IZUMO1R: variants seen among roughly 807,000 people sequenced by gnomAD.
IZUMO1R encodes the protein IZUMO1 receptor, JUNO.
A neutral mutation model predicts 22.1 loss-of-function variants in IZUMO1R; 24 were observed. That is an observed-to-expected ratio of 1.09 (90% confidence interval 0.79 to 1.53). The LOEUF (loss-of-function observed/expected upper bound fraction) is 1.53. IZUMO1R is among the 40% of genes most tolerant of loss of function. IZUMO1R has a pLI of 0.00. For synonymous variants in IZUMO1R, 133 were observed against 121.2 expected (o/e 1.10, Z -0.64); for missense variants, 308 against 314.9 (o/e 0.98, Z 0.17).
intron 2 of IZUMO1R, 144 bp downstream of exon 2, chr11:94,305,918 A>G (rs918816218): frequency 1.1e-6 from 1 of 915,038 alleles, no homozygotes; most frequent in Non-Finnish European, 1.6e-6. Context: ...GAAAGAGACT[A>G]TGCCTTTTTG....
chr11:94,304,811 A>G lies in IZUMO1R; in HGVS notation c.-75A>G, dbSNP rs1253799880. 6.6e-6 allele frequency among the ~76,000 whole-genome samples: 1 copy of G among 152,090 alleles called. No individual in the cohort carries two copies. Among genetic ancestry groups the G allele is most frequent in the African/African-American group, 2.4e-5 (1 of 41,396 alleles). Reference sequence around the variant, plus strand: ...TGGGTAATAAATGGGCGGGACATGGAACTCCCCTCAGCCTCATAGTCTCAG... The same window carrying G: ...TGGGTAATAAATGGGCGGGACATGGGACTCCCCTCAGCCTCATAGTCTCAG... On this transcript the variant is annotated 5_prime_UTR_variant, in exon 1 of 5. Transcript: ENST00000687084.
In IZUMO1R at chr11:94,307,886, C is replaced by A. The variant is rs1337284829; in HGVS notation, c.*194C>A. On this transcript the variant is annotated 3_prime_UTR_variant, in exon 5 of 5. Transcript: ENST00000687084. ...GAAGGAAGTGCCCCTGAGGCTTCAG[C>A]GGCTGGTGCCTGCAACCTGCACATT... 6.6e-6 allele frequency among the ~76,000 whole-genome samples: 1 copy of A among 151,402 alleles called. No individual in the cohort carries two copies. The highest frequency in any genetic ancestry group is 1.5e-5 in the Non-Finnish European group (1 of 67,796).
Position 94,307,211 on chromosome 11 carries a change from G to T in IZUMO1R, c.395G>T (p.Cys132Phe). The change falls in exon 4 of 5, where the codon TGC becomes TTC. Residue 132 changes from cysteine to phenylalanine, a missense_variant. By Grantham distance (205) the Cys-to-Phe change is radical. Coordinates refer to ENST00000687084, the MANE Select transcript of IZUMO1R (RefSeq NM_001199206.4). ...QGERVVNVPL[C>F]QEDCEEWWED... is the part of the protein sequence containing the mutation. ...GAGCGAGTTGTGAATGTGCCGCTGT[G>T]CCAGGAGGACTGTGAGGAGTGGTGG... 1 of 1,605,470 alleles carries T rather than the reference G, an allele frequency of 6.2e-7. No individual in the cohort carries two copies. Among genetic ancestry groups the T allele is most frequent in the South Asian group, 1.1e-5 (1 of 89,264 alleles).
rs746044456 is a variant in IZUMO1R at position 94,307,433 on chromosome 11, G to A, written c.494G>A (p.Arg165His). The change falls in exon 5 of 5, where the codon CGC (arginine) becomes CAC (histidine). Residue 165 changes from arginine (R) to histidine (H), a missense_variant. Physicochemically the swap from Arg to His is conservative, Grantham distance 29 (BLOSUM62 0). Transcript: ENST00000687084. ...CCTCCATCCCCTGCAGGGAAGAACC[G>A]CTGCCCCAAAGGGGCCCAGTGCCTC... ...GGWDWSQGKN[R>H]CPKGAQCLPF... 58 of 1,613,884 alleles carry A rather than the reference G, an allele frequency of 3.6e-5. 1 individual carries two copies. The South Asian group carries it at 3.6e-4, about 10-fold the overall frequency.
At chr11:94,306,206 T>G (rs1488489258) in intron 2 of IZUMO1R, among the ~76,000 whole-genome samples, 1 of 152,030 alleles carries the variant, frequency 6.6e-6, no homozygotes, top group Non-Finnish European at 1.5e-5. Context: ...TGGGTCTCTC[T>G]GGGGCTCTTC....
rs630418 is a variant in IZUMO1R, at chr11:94,304,801, C to A, written c.-85C>A. 6.6e-6 allele frequency among the ~76,000 whole-genome samples: 1 copy of A among 151,798 alleles called. No individual in the cohort carries two copies. The highest frequency in any genetic ancestry group is 2.4e-5 in the African/African-American group (1 of 41,280). ...GAAATCAGACTGGGTAATAAATGGGCGGGACATGGAACTCCCCTCAGCCTC... is the reference window on the plus strand; with the variant it reads ...GAAATCAGACTGGGTAATAAATGGGAGGGACATGGAACTCCCCTCAGCCTC... On this transcript the variant is annotated 5_prime_UTR_variant, in exon 1 of 5. Coordinates refer to ENST00000687084, the MANE Select transcript of IZUMO1R (RefSeq NM_001199206.4).
Position 94,306,497 on chromosome 11 carries a change from C to T in IZUMO1R, c.139-16C>T. On this transcript the variant is annotated splice_polypyrimidine_tract_variant and intron_variant, in intron 2 of 4. Transcript: ENST00000687084. ...CCCCTTTTGCCTGGGCCTTTTGTTTCTTCCTCTGCCTTCAGTGCATCCCCT... is the reference window on the plus strand; with the variant it reads ...CCCCTTTTGCCTGGGCCTTTTGTTTTTTCCTCTGCCTTCAGTGCATCCCCT... 1 of 1,613,202 alleles carries T rather than the reference C, an allele frequency of 6.2e-7. No individual in the cohort carries two copies. The highest frequency in any genetic ancestry group is 1.1e-5 in the South Asian group (1 of 91,072).
At position 94,307,447 on chromosome 11, in the gene IZUMO1R, G is replaced by A. The variant is rs762087435; in HGVS notation, c.508G>A (p.Ala170Thr). 4.3e-6 allele frequency: 7 copies of A among 1,613,898 alleles called. No homozygotes were observed. The highest frequency in any genetic ancestry group is 5.9e-6 in the Non-Finnish European group (7 of 1,179,880). Residue 170 changes from alanine to threonine, a missense_variant, in exon 5 of 5, where the codon GCC (alanine) becomes ACC (threonine). Transcript: ENST00000687084. ...SQGKNRCPKG[A>T]QCLPFSHYFP... ...AGGGAAGAACCGCTGCCCCAAAGGG[G>A]CCCAGTGCCTCCCTTTCTCCCATTA...
chr11:94,307,164 G>A lies in IZUMO1R; in HGVS notation c.349-1G>A. ...TAATCTCTGGCTATGACTGCACCCAGGTGGCCCCGAGTGGGCAGGGAGAGC... is the reference window on the plus strand; with the variant it reads ...TAATCTCTGGCTATGACTGCACCCAAGTGGCCCCGAGTGGGCAGGGAGAGC... On this transcript the variant is annotated splice_acceptor_variant, in intron 3 of 4. Coordinates refer to ENST00000687084, the MANE Select transcript of IZUMO1R (RefSeq NM_001199206.4). LOFTEE classifies it high-confidence loss of function. 6.3e-7 allele frequency: 1 copy of A among 1,592,314 alleles called. No homozygotes were observed. Among genetic ancestry groups the A allele is most frequent in the Non-Finnish European group, 8.6e-7 (1 of 1,169,152 alleles).
chr11:94,305,588 G>A (rs370433166), intron 1 of IZUMO1R, 43 bp from the exon 2 acceptor site: 12 of 1,604,694 alleles, frequency 7.5e-6, no homozygotes, highest in Admixed American at 6.7e-5. Context: ...GGGTGGAGTG[G>A]GGTGTCATTT....
chr11:94,307,340 C>T (rs769828053), intron 4 of IZUMO1R, 40 bp downstream of exon 4: 2 of 1,612,276 alleles, frequency 1.2e-6, no homozygotes, highest in East Asian at 4.5e-5. Context: ...GAAGAGGCCC[C>T]TTGGTGGTCC....
In IZUMO1R at chr11:94,307,830, C is replaced by T. The variant is rs1459809114; in HGVS notation, c.*138C>T. On this transcript the variant is annotated 3_prime_UTR_variant, in exon 5 of 5. Transcript: ENST00000687084. The stretch of plus-strand genomic sequence containing the variant: ...GGACTGCAGTCCCACCCAGTCTAGC[C>T]CATGCCACTGCTTTTAGGGGAGGGC... 2.3e-5 allele frequency: 5 copies of T among 214,606 alleles called. No homozygotes were observed. The highest frequency in any genetic ancestry group is 1.0e-4 in the African/African-American group (4 of 39,780). The allele number at this position is 214,606 out of a possible 1,614,324, so 13.3% of individuals were successfully genotyped here.
At position 94,307,805 on chromosome 11, in the gene IZUMO1R, GGACTGCAGTCCCACCCAGTC is replaced by G; in HGVS notation, c.*114_*133del. On this transcript the variant is annotated 3_prime_UTR_variant, in exon 5 of 5. Transcript: ENST00000687084. ...CCCTAAAAGCAGTGGCATGGGCTAG[GGACTGCAGTCCCACCCAGTC>G]TAGCCCATGCCACTGCTTTTAGGGG... The G allele has an allele frequency of 3.3e-6, 3 of 904,220 alleles. No homozygotes were observed. The highest frequency in any genetic ancestry group is 4.7e-6 in the Non-Finnish European group (3 of 634,020). 56.0% of individuals were successfully genotyped at this position (904,220 alleles called of 1,614,324 possible).
In IZUMO1R at chr11:94,306,550, C is replaced by A. The variant is rs374445245; in HGVS notation, c.176C>A (p.Thr59Lys). 5 of 1,613,830 alleles carry A rather than the reference C, an allele frequency of 3.1e-6. No individual in the cohort carries two copies. Among genetic ancestry groups the A allele is most frequent in the Non-Finnish European group, 4.2e-6 (5 of 1,179,880 alleles). The change falls in exon 3 of 5, where the codon ACG (threonine) becomes AAG (lysine). Residue 59 changes from threonine to lysine, a missense_variant. Transcript: ENST00000687084. Reference sequence around the variant, plus strand: ...AAGGACAATGCCTGCTGCACCCTCACGACAAGCTGGGAAGCCCATCTGGAT... The same window carrying A: ...AAGGACAATGCCTGCTGCACCCTCAAGACAAGCTGGGAAGCCCATCTGGAT... ...PWKDNACCTL[T>K]TSWEAHLDVS...
In IZUMO1R at chr11:94,305,946, C is replaced by T. The variant is rs59161555; in HGVS notation, c.138+172C>T. ...CCTTTTTGAGACCATAAGAGCCAAG[C>T]GATTCAAAGTTCCCATTTCTGAGCT... On this transcript the variant is annotated intron_variant, in intron 2 of 4. Coordinates refer to ENST00000687084, the MANE Select transcript of IZUMO1R (RefSeq NM_001199206.4). Among the ~76,000 whole-genome samples the T allele has an allele frequency of 9.5e-3, 1,426 of 150,124 alleles. 30 individuals carry two copies. Among genetic ancestry groups the T allele is most frequent in the African/African-American group, 0.033 (1,357 of 40,716 alleles).
rs1441598192 is a variant in IZUMO1R, at chr11:94,307,148, G to A, written c.349-17G>A. On this transcript the variant is annotated splice_polypyrimidine_tract_variant and intron_variant, in intron 3 of 4. Transcript: ENST00000687084. ...TCTGCTATTAATGTTCTAATCTCTG[G>A]CTATGACTGCACCCAGGTGGCCCCG... 1 of 1,582,530 alleles carries A rather than the reference G, an allele frequency of 6.3e-7. No individual in the cohort carries two copies. The highest frequency in any genetic ancestry group is 1.3e-5 in the African/African-American group (1 of 74,478).
Position 94,307,664 on chromosome 11 carries a change from G to T in IZUMO1R, c.725G>T (p.Cys242Phe), listed in dbSNP as rs536684866. The T allele has an allele frequency of 8.1e-6, 13 of 1,613,618 alleles. No individual in the cohort carries two copies. The South Asian group carries it at 1.2e-4, about 15-fold the overall frequency. Residue 242 changes from cysteine to phenylalanine, a missense_variant, in exon 5 of 5, where the codon TGC (cysteine) becomes TTC (phenylalanine). Coordinates refer to ENST00000687084, the MANE Select transcript of IZUMO1R (RefSeq NM_001199206.4). ...GAACTGTCCTACACCATCATGGTCT[G>T]CTCCCTGTTCCTGCCGTTCCTTTCC... ...SWELSYTIMV[C>F]SLFLPFLS
In IZUMO1R at chr11:94,306,541, G is replaced by C. The variant is rs1296603821; in HGVS notation, c.167G>C (p.Cys56Ser). 6.2e-7 allele frequency: 1 copy of C among 1,613,910 alleles called. No individual in the cohort carries two copies. The highest frequency in any genetic ancestry group is 2.2e-5 in the East Asian group (1 of 44,874). Residue 56 changes from cysteine (C) to serine (S), a missense_variant, in exon 3 of 5, where the codon TGC (cysteine) becomes TCC (serine). Physicochemically the swap from Cys to Ser is moderately radical, Grantham distance 112 (BLOSUM62 -1). Transcript: ENST00000687084. ...ECIPWKDNAC[C>S]TLTTSWEAHL... ...ATCCCCTGGAAGGACAATGCCTGCT[G>C]CACCCTCACGACAAGCTGGGAAGCC... is the stretch of plus-strand genomic sequence containing the variant.
rs1018913728 is a variant in IZUMO1R at position 94,308,081 on chromosome 11, C to A, written c.*389C>A. Among the ~76,000 whole-genome samples the A allele has an allele frequency of 7.9e-5, 12 of 151,954 alleles. No individual in the cohort carries two copies. The highest frequency in any genetic ancestry group is 2.9e-4 in the African/African-American group (12 of 41,430). ...ACGCCTACCCCTTTCTGTGACAGAG[C>A]TGATGGTGGCAGACCTGGCCTCCCA... On this transcript the variant is annotated 3_prime_UTR_variant, in exon 5 of 5. Transcript: ENST00000687084.
Sources: gnomAD v4.1 joint callset for allele counts (sites outside exome capture counted in the v4.1 genomes callset) on GRCh38, gnomAD v4.1.1 for gene constraint, MANE v1.5 for transcripts, NCBI Gene and HGNC (gene_info 2026-07-23, HGNC 2026-07-21) for gene names.